EHBP1: variants seen among roughly 807,000 people sequenced by gnomAD.
EHBP1 encodes EH domain binding protein 1.
EHBP1 carries 55 observed loss-of-function variants against 144.0 expected under a neutral mutation model. The observed-to-expected ratio is 0.38, with a 90% CI of 0.31 to 0.48. The LOEUF is 0.48. EHBP1 is among the 20% of genes least tolerant of loss of function. EHBP1 has a pLI of 0.98. For synonymous variants in EHBP1, 469 were observed against 472.7 expected (o/e 0.99, Z 0.10); for missense variants, 1,200 against 1,364.2 (o/e 0.88, Z 1.90).
chr2:62,797,674 G>T (rs933436385), intron 5 of EHBP1, among the ~76,000 whole-genome samples: 3 of 152,142 alleles, frequency 2.0e-5, no homozygotes, highest in Non-Finnish European at 4.4e-5. Flanking sequence ...GAGCTCTTTT[G>T]GGCCTGCATC....
chr2:62,706,346 T>C (rs2034569850), intron 1 of EHBP1: 1 of 152,384 alleles, frequency 6.6e-6, no homozygotes, highest in South Asian at 2.1e-4. Flanking sequence ...GGAGCCCAAG[T>C]GGCCTGGAGC....
At chr2:62,995,726 G>A (rs998611395) in intron 18 of EHBP1, among the ~76,000 whole-genome samples, 2 of 151,928 alleles carry the variant, frequency 1.3e-5, no homozygotes, top group Admixed American at 6.6e-5. Flanking sequence ...ATGTCAAAAG[G>A]TAAACAGGTA....
chr2:62,727,104 G>A (rs1385352500), intron 2 of EHBP1, among the ~76,000 whole-genome samples: 2 of 152,034 alleles, frequency 1.3e-5, no homozygotes, highest in Non-Finnish European at 2.9e-5. Flanking sequence ...CTTGTGATCC[G>A]CCCGCCTTGG....
chr2:63,033,312 G>T (rs971018018), intron 19 of EHBP1, among the ~76,000 whole-genome samples: 1 of 151,918 alleles, frequency 6.6e-6, no homozygotes. Flanking sequence ...TTTTGTGTTT[G>T]GTTTAGCTTT....
intron 14 of EHBP1, among the ~76,000 whole-genome samples, chr2:62,974,100 C>T (rs941717357): frequency 6.6e-6 from 1 of 152,202 alleles, no homozygotes; most frequent in Non-Finnish European, 1.5e-5. Context: ...CTATTGCATA[C>T]TATTCCTCAC....
At chr2:62,879,044 T>C (rs575610562) in intron 10 of EHBP1, among the ~76,000 whole-genome samples, 6 of 150,662 alleles carry the variant, frequency 4.0e-5, no homozygotes, top group African/African-American at 1.5e-4. Flanking sequence ...AAAAACTACA[T>C]GTTTATCTGA....
rs575107589 is a variant in EHBP1, at chr2:63,020,761, A to AT, written c.3104-16771dup. Among the ~76,000 whole-genome samples the AT allele has an allele frequency of 5.3e-5, 8 of 150,934 alleles. No individual in the cohort carries two copies. The East Asian group carries it at 9.8e-4, about 18-fold the overall frequency. On this transcript the variant is annotated intron_variant, in intron 19 of 22. Coordinates refer to ENST00000431489, the MANE Select transcript of EHBP1 (RefSeq NM_001142616.3). ...TAGCGCGATCTCGGCTCACTGCAAC[A>AT]TTTGCCTCCCAGGTTCAAGCCATTC...
intron 7 of EHBP1, among the ~76,000 whole-genome samples, chr2:62,850,477 T>C (rs2048615748): frequency 2.0e-5 from 3 of 152,178 alleles, no homozygotes; most frequent in Admixed American, 2.0e-4. Context: ...TATTTGACCC[T>C]TTGCTTTGAT....
At chr2:62,822,492 A>G (rs1051355333) in intron 5 of EHBP1, among the ~76,000 whole-genome samples, 1 of 152,208 alleles carries the variant, frequency 6.6e-6, no homozygotes, top group African/African-American at 2.4e-5. Flanking sequence ...ATTAGTAAAC[A>G]CTGTTTATTG....
intron 10 of EHBP1, among the ~76,000 whole-genome samples, chr2:62,896,341 C>T (rs2052930730): frequency 1.1e-4 from 16 of 152,160 alleles, no homozygotes; most frequent in Admixed American, 9.8e-4. Flanking sequence ...AGTCAGAGAA[C>T]GTAGGCACTG....
chr2:62,866,323 C>T (rs968976192), intron 9 of EHBP1, among the ~76,000 whole-genome samples: 3 of 152,168 alleles, frequency 2.0e-5, no homozygotes, highest in Admixed American at 1.3e-4. Context: ...GCACACAAAA[C>T]ATGAAATTCA....
intron 5 of EHBP1, among the ~76,000 whole-genome samples, chr2:62,796,647 A>G (rs150169970): frequency 0.012 from 1,818 of 152,268 alleles, 15 homozygotes; most frequent in Non-Finnish European, 0.021. Flanking sequence ...CAAAGTTCCA[A>G]TGCAGCTTAA....
At chr2:62,787,175 A>G (rs1399348354) in intron 5 of EHBP1, among the ~76,000 whole-genome samples, 3 of 152,220 alleles carry the variant, frequency 2.0e-5, no homozygotes, top group Non-Finnish European at 4.4e-5. Context: ...TTTGACTGAT[A>G]AAGTTTAGTT....
At chr2:62,770,526 T>G (rs1573249887) in intron 4 of EHBP1, among the ~76,000 whole-genome samples, 1 of 152,144 alleles carries the variant, frequency 6.6e-6, no homozygotes, top group African/African-American at 2.4e-5. Flanking sequence ...GGCAAGGTTG[T>G]GGAGAAAAGG....
chr2:63,024,508 A>T (rs1306986616), intron 19 of EHBP1, among the ~76,000 whole-genome samples: 1 of 151,218 alleles, frequency 6.6e-6, no homozygotes, highest in Admixed American at 6.6e-5. Context: ...AGCCTGAGGC[A>T]GGAGGATTGC....
chr2:62,708,597 A>G (rs1400415397), intron 2 of EHBP1, among the ~76,000 whole-genome samples: 1 of 152,214 alleles, frequency 6.6e-6, no homozygotes, highest in African/African-American at 2.4e-5. Flanking sequence ...GAGTTAATAC[A>G]TTTAAAATGC....
At chr2:62,987,138 G>A (rs1344101849) in intron 15 of EHBP1, among the ~76,000 whole-genome samples, 1 of 152,120 alleles carries the variant, frequency 6.6e-6, no homozygotes, top group Non-Finnish European at 1.5e-5. Context: ...CTTTTCAAAT[G>A]TATAGAATTC....
At chr2:62,713,532 C>T (rs918806881) in intron 2 of EHBP1, among the ~76,000 whole-genome samples, 3 of 152,088 alleles carry the variant, frequency 2.0e-5, no homozygotes, top group Admixed American at 6.5e-5. Flanking sequence ...GTCTGAGCCA[C>T]GGCACCTGGC....
chr2:62,858,550 C>A, intron 7 of EHBP1: 1 of 1,321,218 alleles, frequency 7.6e-7, no homozygotes, highest in Non-Finnish European at 1.1e-6. Context: ...TTCTGATTGC[C>A]TGTATTTACT....
Sources: gnomAD v4.1 joint callset for allele counts (sites outside exome capture counted in the v4.1 genomes callset) on GRCh38, gnomAD v4.1.1 for gene constraint, MANE v1.5 for transcripts, NCBI Gene and HGNC (gene_info 2026-07-23, HGNC 2026-07-21) for gene names.